Variants in ANK3 observed in about 807,000 individuals in gnomAD.
ANK3 encodes ankyrin 3.
Under a neutral mutation model 370.9 loss-of-function variants are expected in ANK3, and 57 were observed. The observed-to-expected ratio is 0.15, with a 90% confidence interval of 0.12 to 0.19. ANK3 has a LOEUF of 0.19. Ranked by LOEUF, ANK3 falls within the 10% of genes least tolerant of loss-of-function variation. The pLI is 1.00. For synonymous variants in ANK3, 1,929 were observed against 1,946.3 expected, an observed-to-expected ratio of 0.99 and a Z score of 0.23; for missense variants, 4,439 against 5,302.1, an observed-to-expected ratio of 0.84 and a Z score of 5.06.
intron 2 of ANK3, among the ~76,000 whole-genome samples, chr10:60,438,039 T>C (rs1270797045): frequency 6.6e-6 from 1 of 152,144 alleles, no homozygotes; most frequent in Non-Finnish European, 1.5e-5. Flanking sequence ...GAAGTGTCCA[T>C]TAAAGCTGAG....
intron 7 of ANK3, among the ~76,000 whole-genome samples, chr10:60,240,735 G>C (rs1333966983): frequency 1.3e-5 from 2 of 152,200 alleles, no homozygotes; most frequent in African/African-American, 2.4e-5. Flanking sequence ...GGGATTACAG[G>C]TGCTCACCAC....
chr10:60,490,527 T>C (rs73257066), intron 2 of ANK3, among the ~76,000 whole-genome samples: 19,823 of 152,110 alleles, frequency 0.13, 1,516 homozygotes, highest in African/African-American at 0.21. Flanking sequence ...AACCAGCCAT[T>C]ATCATTTACA....
At chr10:60,484,394 C>A (rs2075299014) in intron 2 of ANK3, among the ~76,000 whole-genome samples, 1 of 152,036 alleles carries the variant, frequency 6.6e-6, no homozygotes, top group Non-Finnish European at 1.5e-5. Context: ...TAGATGATAT[C>A]AAAGGATTAT....
rs1242555682 is a variant in ANK3 at position 60,408,011 on chromosome 10, CCTGCTGCCAT to C, written c.97-128382_97-128373del. Among the ~76,000 whole-genome samples, 14 of 152,326 alleles carry C rather than the reference CCTGCTGCCAT, an allele frequency of 9.2e-5. 2 individuals carry two copies. The South Asian group carries it at 2.5e-3, about 27-fold the overall frequency. On this transcript the variant is annotated intron_variant, in intron 2 of 43. Transcript: ENST00000373827. ...TAACTTTTGCTGACTTGCCCCTACC[CCTGCTGCCAT>C]CTGCTCAGGCAACTTACTTTCCAAC...
At chr10:60,250,446 G>T (rs7091676) in intron 7 of ANK3, among the ~76,000 whole-genome samples, 1 of 151,942 alleles carries the variant, frequency 6.6e-6, no homozygotes, top group South Asian at 2.1e-4. Context: ...CTCACTGCAA[G>T]CTCTGCCTCC....
intron 5 of ANK3, among the ~76,000 whole-genome samples, chr10:60,266,930 G>A (rs1353817779): frequency 2.0e-5 from 3 of 151,952 alleles, no homozygotes; most frequent in African/African-American, 4.8e-5. Flanking sequence ...TGGAATAAAC[G>A]AACAAACAAA....
At chr10:60,193,116 G>T (rs1326412050) in intron 16 of ANK3, among the ~76,000 whole-genome samples, 4 of 152,170 alleles carry the variant, frequency 2.6e-5, no homozygotes, top group Non-Finnish European at 4.4e-5. Context: ...CATTACCCAG[G>T]CTCTTATGGA....
chr10:60,038,112 C>T (rs193080304), intron 43 of ANK3, among the ~76,000 whole-genome samples: 19 of 152,238 alleles, frequency 1.2e-4, no homozygotes, highest in East Asian at 1.9e-4. Context: ...AGTGTCTGTG[C>T]GTGGCTGGGC....
At chr10:60,081,783 G>A (rs542547418) in intron 35 of ANK3, 17 of 262,898 alleles carry the variant, frequency 6.5e-5, no homozygotes, top group Admixed American at 2.5e-4. Context: ...GACTGTTCTC[G>A]TCAGTCATAG....
chr10:60,508,166 A>T (rs945271496), intron 2 of ANK3: 3 of 152,184 alleles, frequency 2.0e-5, no homozygotes, highest in African/African-American at 7.2e-5. Context: ...TTACATCACT[A>T]TAGTCTGGTG....
chr10:60,072,611 G>A lies in ANK3; in HGVS notation c.8270C>T (p.Pro2757Leu). The A allele has an allele frequency of 1.2e-6, 2 of 1,613,932 alleles. No homozygotes were observed. The highest frequency in any genetic ancestry group is 3.3e-4 in the Middle Eastern group (2 of 6,058). The change falls in exon 37 of 44, where the codon CCC becomes CTC. Residue 2757 changes from proline (P) to leucine (L), a missense_variant. Pro to Leu is a moderately conservative substitution (Grantham distance 98). Coordinates refer to ENST00000280772, the MANE Select transcript of ANK3 (RefSeq NM_020987.5). Reference sequence around the variant, plus strand: ...TTCTCTAGCAAAAACTTGGTAGACGGGTAGCTTGCTCTCCTGTATTTTTTT... The same window carrying A: ...TTCTCTAGCAAAAACTTGGTAGACGAGTAGCTTGCTCTCCTGTATTTTTTT... ...PVKKIQESKL[P>L]VYQVFAREKQ...
At chr10:60,497,093 G>T (rs1198802957) in intron 2 of ANK3, among the ~76,000 whole-genome samples, 1 of 152,172 alleles carries the variant, frequency 6.6e-6, no homozygotes, top group African/African-American at 2.4e-5. Context: ...CTTGAGCCCA[G>T]GAGTTTGAGA....
chr10:60,444,046 G>C (rs1471404866), intron 2 of ANK3, among the ~76,000 whole-genome samples: 1 of 151,964 alleles, frequency 6.6e-6, no homozygotes, highest in African/African-American at 2.4e-5. Context: ...GAAAATGTCA[G>C]AATTTTCATT....
chr10:60,582,175 A>G (rs900377400), intron 2 of ANK3, among the ~76,000 whole-genome samples: 1 of 152,076 alleles, frequency 6.6e-6, no homozygotes, highest in South Asian at 2.1e-4. Flanking sequence ...AATGTAGATG[A>G]TGGGTTGATG....
chr10:60,460,598 A>C (rs188588511), intron 2 of ANK3, among the ~76,000 whole-genome samples: 1 of 152,210 alleles, frequency 6.6e-6, no homozygotes, highest in African/African-American at 2.4e-5. Flanking sequence ...ATTTATGTTA[A>C]ATTTATACCA....
chr10:60,494,192 A>G (rs1221259320), intron 2 of ANK3, among the ~76,000 whole-genome samples: 1 of 152,174 alleles, frequency 6.6e-6, no homozygotes, highest in Non-Finnish European at 1.5e-5. Context: ...AATGTATGAG[A>G]CTATTTGAGT....
At chr10:60,143,969 A>G (rs1164730895) in intron 23 of ANK3, among the ~76,000 whole-genome samples, 2 of 151,232 alleles carry the variant, frequency 1.3e-5, no homozygotes, top group Non-Finnish European at 3.0e-5. Context: ...AAGAGAGTCA[A>G]AGAGAGAGAG....
intron 1 of ANK3, among the ~76,000 whole-genome samples, chr10:60,283,600 C>T (rs1214173287): frequency 2.6e-5 from 4 of 152,038 alleles, no homozygotes; most frequent in Admixed American, 2.6e-4. Flanking sequence ...TATTTTATTA[C>T]CATTTAATGT....
chr10:60,337,557 A>G lies in ANK3; in HGVS notation c.114+51868T>C, dbSNP rs148777004. 2.4e-3 allele frequency among the ~76,000 whole-genome samples: 363 copies of G among 152,046 alleles called. 2 individuals are homozygous for G. The highest frequency in any genetic ancestry group is 0.024 in the Middle Eastern group (7 of 294). On this transcript the variant is annotated intron_variant, in intron 1 of 43. Coordinates refer to ENST00000280772, the MANE Select transcript of ANK3 (RefSeq NM_020987.5). ...TCCATGTCTCCTCTTTGACCCCACAATCTCTTGAGCTTTCCCCTAGTTTGT... is the reference window on the plus strand; with the variant it reads ...TCCATGTCTCCTCTTTGACCCCACAGTCTCTTGAGCTTTCCCCTAGTTTGT...
Sources: gnomAD v4.1 joint callset for allele counts (sites outside exome capture counted in the v4.1 genomes callset) on GRCh38, gnomAD v4.1.1 for gene constraint, MANE v1.5 for transcripts, NCBI Gene and HGNC (gene_info 2026-07-23, HGNC 2026-07-21) for gene names.